Variants in MGST1 observed in about 807,000 individuals in gnomAD.
The protein encoded by MGST1 is glutathione S-transferase 12.
In MGST1, 5 loss-of-function variants were observed where a neutral mutation model predicts 8.9. The observed-to-expected ratio is 0.56, with a 90% CI of 0.29 to 1.19. The LOEUF (loss-of-function observed/expected upper bound fraction) is 1.19. Among genes scored for constraint, MGST1 ranks in the 50% most tolerant of loss-of-function variants. The pLI, the probability that MGST1 is intolerant of heterozygous loss-of-function variation, is 0.08. For synonymous variants in MGST1, 54 were observed against 67.8 expected (o/e 0.80, Z 1.00); for missense variants, 182 against 187.4 (o/e 0.97, Z 0.17).
Position 16,548,575 on chromosome 12 carries a change from G to A in MGST1, n.483-40953G>A, listed in dbSNP as rs1181830657. 1.3e-5 allele frequency: 2 copies of A among 152,120 alleles called. No homozygotes were observed. The highest frequency in any genetic ancestry group is 6.5e-5 in the Admixed American group (1 of 15,278). The allele number at this position is 152,120 out of a possible 1,614,324, so 9.4% of individuals were successfully genotyped here. A position where few individuals can be genotyped will look rare whatever the true frequency, so the allele number is the denominator to read the frequency against. On this transcript the variant is annotated intron_variant and non_coding_transcript_variant, in intron 4 of 4. Coordinates refer to the MGST1 transcript ENST00000538857. This position sits in a 1 kb window ranked among gnomAD's most constrained non-coding sequence, Gnocchi z 4.2. ...GATGCATCTTAGGAAGGGAGCTTTC[G>A]CTGCTCAGAAATCAAAGCTCCATCG...
intron 4 of MGST1, among the ~76,000 whole-genome samples, chr12:16,578,741 C>A (rs974586739): frequency 6.6e-6 from 1 of 151,862 alleles, no homozygotes; most frequent in Non-Finnish European, 1.5e-5. Context: ...TTCCTTGAAC[C>A]TGGGAGGCGG....
rs1189439626 is a variant in MGST1, at chr12:16,560,940, C to T, written n.483-28588C>T. ...AAGGAACCAACTAATGAATGATTCACTACTTTTTGACATTTAGTTACTAAA... is the reference window on the plus strand; with the variant it reads ...AAGGAACCAACTAATGAATGATTCATTACTTTTTGACATTTAGTTACTAAA... On this transcript the variant is annotated intron_variant and non_coding_transcript_variant, in intron 4 of 4. Transcript: ENST00000538857. The surrounding 1 kb of genome is among the most constrained non-coding windows in gnomAD (Gnocchi z 5.0). 2.6e-5 allele frequency among the ~76,000 whole-genome samples: 4 copies of T among 152,100 alleles called. No homozygotes were observed.
At chr12:16,366,678 TAC>T (rs1312756808), downstream of MGST1, among the ~76,000 whole-genome samples, 2 of 116,964 alleles carry the variant, frequency 1.7e-5, no homozygotes, top group Non-Finnish European at 3.2e-5. The surrounding 1 kb of genome is among the most constrained non-coding windows in gnomAD (Gnocchi z 4.0). Context: ...CACACACACA[TAC>T]TACCATCATC....
At chr12:16,577,643 A>G (rs918644953) in intron 4 of MGST1, among the ~76,000 whole-genome samples, 2 of 152,202 alleles carry the variant, frequency 1.3e-5, no homozygotes, top group African/African-American at 4.8e-5. Flanking sequence ...ATAATAACAA[A>G]CAAACAGAAA....
intron 1 of MGST1, among the ~76,000 whole-genome samples, chr12:16,388,446 C>T (rs914892568): frequency 4.6e-5 from 7 of 152,058 alleles, no homozygotes; most frequent in African/African-American, 9.7e-5. Context: ...ACACCAGCAT[C>T]GTCACGGAGC....
intron 4 of MGST1, among the ~76,000 whole-genome samples, chr12:16,588,264 T>G (rs1042962721): frequency 2.6e-5 from 4 of 151,892 alleles, no homozygotes; most frequent in African/African-American, 9.7e-5. Flanking sequence ...ATATACAAAT[T>G]GAAGGTGTGC....
At chr12:16,541,219 A>G (rs912944192) in intron 4 of MGST1, among the ~76,000 whole-genome samples, 2 of 152,236 alleles carry the variant, frequency 1.3e-5, no homozygotes, top group African/African-American at 4.8e-5. Context: ...TGAGTAAAAT[A>G]CATGTAAATA....
intron 1 of MGST1, chr12:16,400,181 C>T (rs1297502594): frequency 9.1e-7 from 1 of 1,103,686 alleles, no homozygotes; most frequent in African/African-American, 1.5e-5. Context: ...TTCCCTAAGT[C>T]CGTGGTTGTC....
intron 3 of MGST1, among the ~76,000 whole-genome samples, chr12:16,375,548 T>C (rs1242537944): frequency 2.6e-5 from 4 of 152,010 alleles, no homozygotes; most frequent in Non-Finnish European, 4.4e-5. Context: ...AATAGTATTA[T>C]TATTGGTAGT....
intron 4 of MGST1, among the ~76,000 whole-genome samples, chr12:16,480,223 A>G (rs1941355774): frequency 6.6e-6 from 1 of 150,556 alleles, no homozygotes; most frequent in African/African-American, 2.5e-5. Context: ...GCTCACTGGA[A>G]CCTCCACCTC....
At chr12:16,395,299 G>A (rs1272951123) in intron 1 of MGST1, among the ~76,000 whole-genome samples, 1 of 152,076 alleles carries the variant, frequency 6.6e-6, no homozygotes, top group Non-Finnish European at 1.5e-5. Context: ...CATATGTGAA[G>A]TATCCATATA....
At chr12:16,355,204 CT>C (rs5796668) in intron 2 of MGST1, among the ~76,000 whole-genome samples, 7,888 of 125,140 alleles carry the variant, frequency 0.063, 281 homozygotes, top group African/African-American at 0.16. Flanking sequence ...TTCCTTGTTA[CT>C]TTTTTTTTTT....
downstream of MGST1, among the ~76,000 whole-genome samples, chr12:16,442,879 C>T (rs1014303070): frequency 4.6e-5 from 7 of 151,624 alleles, no homozygotes; most frequent in African/African-American, 1.7e-4. The surrounding 1 kb of genome is among the most constrained non-coding windows in gnomAD (Gnocchi z 4.5). Context: ...TCAATTAAAT[C>T]AATTTGATGT....
At position 16,419,910 on chromosome 12, in the gene MGST1, T is replaced by C. The variant is rs572928936; in HGVS notation, n.779-17478T>C. The stretch of plus-strand genomic sequence containing the variant: ...ATTAGCTCCAACAGTCTAATCAGAG[T>C]GAACAGACTACTTGAATCTGTGATG... On this transcript the variant is annotated intron_variant and non_coding_transcript_variant, in intron 1 of 1. Transcript: ENST00000359720. Among the ~76,000 whole-genome samples, 4 of 152,176 alleles carry C rather than the reference T, an allele frequency of 2.6e-5. No homozygotes were observed. In the South Asian group the frequency reaches 6.2e-4, roughly 24 times the overall value.
intron 1 of MGST1, among the ~76,000 whole-genome samples, chr12:16,406,982 A>G (rs910629703): frequency 2.6e-5 from 4 of 152,200 alleles, no homozygotes; most frequent in Non-Finnish European, 5.9e-5. Flanking sequence ...GGCAAATAGC[A>G]TCTGGACATG....
At chr12:16,400,262 G>A in intron 1 of MGST1, 1 of 820,974 alleles carries the variant, frequency 1.2e-6, no homozygotes, top group Non-Finnish European at 2.2e-6. Flanking sequence ...TTCTTGAGGT[G>A]AAAATGCAAG....
rs1305982704 is a variant in MGST1 at position 16,513,301 on chromosome 12, C to T, written n.483-76227C>T. The T allele has an allele frequency of 4.0e-6, 1 of 252,596 alleles. No individual in the cohort carries two copies. The highest frequency in any genetic ancestry group is 7.9e-6 in the Non-Finnish European group (1 of 126,944). 15.6% of individuals were successfully genotyped at this position (252,596 alleles called of 1,614,324 possible). On this transcript the variant is annotated intron_variant and non_coding_transcript_variant, in intron 4 of 4. Transcript: ENST00000538857. The surrounding 1 kb of genome is among the most constrained non-coding windows in gnomAD (Gnocchi z 4.2). ...TCCCTGCTTACTCTGATTCTCTCCA[C>T]ATTTCCCATTGAAAATTCCTTAAAA...
chr12:16,440,554 A>G (rs1013323581), downstream of MGST1, among the ~76,000 whole-genome samples: 1 of 151,782 alleles, frequency 6.6e-6, no homozygotes, highest in Non-Finnish European at 1.5e-5. Context: ...TGAGATTTAT[A>G]TATGCTGTTA....
intron 4 of MGST1, among the ~76,000 whole-genome samples, chr12:16,567,835 G>A (rs1033515356): frequency 1.6e-4 from 24 of 152,066 alleles, no homozygotes; most frequent in African/African-American, 5.6e-4. Context: ...CAATCAGACA[G>A]AACACCACCA....
Sources: gnomAD v4.1 joint callset for allele counts (sites outside exome capture counted in the v4.1 genomes callset) on GRCh38, gnomAD v4.1.1 for gene constraint, Gnocchi (gnomAD v3.1) non-coding constraint, MANE v1.5 for transcripts, NCBI Gene and HGNC (gene_info 2026-07-23, HGNC 2026-07-21) for gene names.